GPC5: variants seen among roughly 807,000 people sequenced by gnomAD.
GPC5 encodes glypican-5.
In GPC5, 47 loss-of-function variants were observed where a neutral mutation model predicts 53.9. The ratio of observed to expected loss-of-function variants is 0.87; its 90% confidence interval spans 0.69 to 1.11. The LOEUF is 1.11. Ranked by LOEUF, GPC5 falls within the 50% of genes most tolerant of loss-of-function variation. The probability of loss-of-function intolerance (pLI) is 0.00; values close to 1 mark genes in which losing one functional copy is unlikely to be tolerated. For synonymous variants in GPC5, 286 were observed against 263.3 expected (o/e 1.09, Z -0.84); for missense variants, 748 against 713.1 (o/e 1.05, Z -0.56).
At chr13:91,457,314 G>T (rs1294166958) in intron 2 of GPC5, among the ~76,000 whole-genome samples, 1 of 151,948 alleles carries the variant, frequency 6.6e-6, no homozygotes, top group Non-Finnish European at 1.5e-5. Flanking sequence ...TTTTATCTAT[G>T]ATGGTTAGTG....
chr13:91,944,865 T>C (rs1190093041), intron 6 of GPC5, among the ~76,000 whole-genome samples: 3 of 152,194 alleles, frequency 2.0e-5, no homozygotes. Context: ...GCTTCTCCTT[T>C]CTCTTCTTTC....
At chr13:92,354,127 C>G (rs1282483010) in intron 7 of GPC5, among the ~76,000 whole-genome samples, 1 of 152,174 alleles carries the variant, frequency 6.6e-6, no homozygotes, top group Non-Finnish European at 1.5e-5. Context: ...CGCAAGTCAT[C>G]ATGTGGTGAT....
At chr13:91,615,110 A>G (rs941571729) in intron 2 of GPC5, among the ~76,000 whole-genome samples, 2 of 152,204 alleles carry the variant, frequency 1.3e-5, no homozygotes, top group African/African-American at 4.8e-5. Flanking sequence ...AAACAACTGC[A>G]CAATGATGGG....
chr13:91,667,637 A>G (rs1390674573), intron 2 of GPC5, among the ~76,000 whole-genome samples: 2 of 152,124 alleles, frequency 1.3e-5, no homozygotes, highest in African/African-American at 2.4e-5. Context: ...CAACATTGCC[A>G]TTGTTGAGGA....
intron 7 of GPC5, among the ~76,000 whole-genome samples, chr13:92,473,835 G>A (rs543645848): frequency 6.6e-6 from 1 of 152,164 alleles, no homozygotes; most frequent in South Asian, 2.1e-4. Flanking sequence ...CATGTACTGA[G>A]GGAAATTTTA....
intron 6 of GPC5, among the ~76,000 whole-genome samples, chr13:92,064,550 T>G (rs1594749702): frequency 6.6e-6 from 1 of 151,530 alleles, no homozygotes; most frequent in East Asian, 1.9e-4. Flanking sequence ...AAGGGCAGGG[T>G]TTCGAGACCA....
intron 5 of GPC5, among the ~76,000 whole-genome samples, chr13:91,868,939 A>G (rs759561563): frequency 1.3e-5 from 2 of 152,194 alleles, no homozygotes; most frequent in Non-Finnish European, 2.9e-5. Flanking sequence ...GAGAAGAGGA[A>G]CATTTCACTT....
intron 6 of GPC5, among the ~76,000 whole-genome samples, chr13:92,132,831 C>A (rs937873801): frequency 6.6e-6 from 1 of 151,902 alleles, no homozygotes; most frequent in Non-Finnish European, 1.5e-5. Flanking sequence ...TTTAAAATCC[C>A]AAAATTAGCC....
chr13:92,336,015 T>G (rs2043320556), intron 7 of GPC5, among the ~76,000 whole-genome samples: 1 of 152,178 alleles, frequency 6.6e-6, no homozygotes, highest in Non-Finnish European at 1.5e-5. Context: ...AATGTAGTAG[T>G]TCCAGCTAGC....
At chr13:92,696,301 A>G (rs1180528627) in intron 7 of GPC5, among the ~76,000 whole-genome samples, 2 of 150,576 alleles carry the variant, frequency 1.3e-5, no homozygotes, top group African/African-American at 4.9e-5. Flanking sequence ...GCAATAATTT[A>G]CACTCCCACT....
At chr13:91,481,040 A>T (rs1318286322) in intron 2 of GPC5, among the ~76,000 whole-genome samples, 1 of 152,034 alleles carries the variant, frequency 6.6e-6, no homozygotes, top group Non-Finnish European at 1.5e-5. Context: ...GCCGTGGTGC[A>T]TGATGGTCCA....
intron 2 of GPC5, among the ~76,000 whole-genome samples, chr13:91,621,151 G>A (rs111902497): frequency 3.5e-3 from 538 of 152,172 alleles, no homozygotes; most frequent in African/African-American, 0.011. Flanking sequence ...GTAAAAGGGG[G>A]TTAGAATGAA....
intron 6 of GPC5, among the ~76,000 whole-genome samples, chr13:91,984,426 A>C (rs970210252): frequency 1.3e-5 from 2 of 152,202 alleles, no homozygotes; most frequent in African/African-American, 4.8e-5. Flanking sequence ...TTCGGGCTAT[A>C]GTCCCTGATC....
chr13:91,783,003 A>C (rs1057512508), intron 5 of GPC5, among the ~76,000 whole-genome samples: 10 of 152,082 alleles, frequency 6.6e-5, no homozygotes, highest in African/African-American at 2.2e-4. Context: ...GAAAAAAAAA[A>C]CTTGAATTAT....
intron 5 of GPC5, among the ~76,000 whole-genome samples, chr13:91,835,652 C>T (rs1435967920): frequency 2.0e-5 from 3 of 151,762 alleles, no homozygotes; most frequent in African/African-American, 7.3e-5. Context: ...CCAAACACCC[C>T]GTGTTCTCAC....
chr13:91,600,477 A>G (rs1388077103), intron 2 of GPC5, among the ~76,000 whole-genome samples: 2 of 151,978 alleles, frequency 1.3e-5, no homozygotes, highest in East Asian at 1.9e-4. Context: ...GTGAGATTCT[A>G]TCTAAAAAAA....
intron 7 of GPC5, among the ~76,000 whole-genome samples, chr13:92,750,445 G>T (rs1330115658): frequency 6.6e-6 from 1 of 150,662 alleles, no homozygotes; most frequent in African/African-American, 2.4e-5. Context: ...GCTGGAAGAG[G>T]AAAAGAAAAA....
intron 5 of GPC5, among the ~76,000 whole-genome samples, chr13:91,809,315 A>T (rs1594583678): frequency 6.6e-6 from 1 of 152,170 alleles, no homozygotes; most frequent in Admixed American, 6.5e-5. Context: ...CATAGCAATT[A>T]TCCTGTCTGC....
intron 5 of GPC5, among the ~76,000 whole-genome samples, chr13:91,857,478 A>G (rs2038979095): frequency 6.6e-6 from 1 of 151,394 alleles, no homozygotes; most frequent in Non-Finnish European, 1.5e-5. Context: ...TAAAAGAAAT[A>G]TAATTTATTT....
Sources: allele counts gnomAD v4.1 joint callset (sites outside exome capture counted in the v4.1 genomes callset), GRCh38; gene constraint gnomAD v4.1.1; transcripts MANE v1.5; gene names NCBI Gene and HGNC (gene_info 2026-07-23, HGNC 2026-07-21).